Variants in DPP6 observed in about 807,000 individuals in gnomAD.
DPP6 encodes the protein A-type potassium channel modulatory protein DPP6.
In DPP6, 69 loss-of-function variants were observed where a neutral mutation model predicts 122.6. That is an observed-to-expected ratio of 0.56 (90% CI 0.46 to 0.69). The LOEUF is 0.69. Ranked by LOEUF, DPP6 falls within the 30% of genes least tolerant of loss-of-function variation. DPP6 has a pLI of 0.00. For synonymous variants in DPP6, 418 were observed against 433.1 expected (o/e 0.97, Z 0.43); for missense variants, 928 against 1,116.9 (o/e 0.83, Z 2.41).
At chr7:154,346,157 G>T (rs919394602) in intron 1 of DPP6, among the ~76,000 whole-genome samples, 8 of 152,096 alleles carry the variant, frequency 5.3e-5, no homozygotes, top group South Asian at 2.1e-4. Flanking sequence ...GAAATTATTT[G>T]CGAGTATATC....
At position 154,866,983 on chromosome 7, in the gene DPP6, C is replaced by CTT. The variant is rs11409452; in HGVS notation, c.1715-998_1715-997dup. On this transcript the variant is annotated intron_variant, in intron 17 of 25. Transcript: ENST00000377770. The stretch of plus-strand genomic sequence containing the variant: ...GGAGAAGCGCCCACCTGCAGAGCAG[C>CTT]TTTTTTTTTTTTTTTCAAGGGAGTT... Among the ~76,000 whole-genome samples, 438 of 140,460 alleles carry CTT rather than the reference C, an allele frequency of 3.1e-3. 7 individuals are homozygous for CTT. Among genetic ancestry groups the CTT allele is most frequent in the African/African-American group, 0.01 (392 of 38,272 alleles). 92.1% of individuals were successfully genotyped at this position (140,460 alleles called of 152,430 possible).
At chr7:153,802,283 G>A in the DPP6 span, among the ~76,000 whole-genome samples, 1 of 152,154 alleles carries the variant, frequency 6.6e-6, no homozygotes, top group Admixed American at 6.5e-5. Flanking sequence ...GTTAAATGAG[G>A]TGAAAAGAAA....
At chr7:153,966,446 C>T (rs1375905663) in intron 1 of DPP6, among the ~76,000 whole-genome samples, 9 of 149,030 alleles carry the variant, frequency 6.0e-5, no homozygotes, top group Admixed American at 4.1e-4. Context: ...CGTCTTCCCT[C>T]TGCTGTCTCC....
At chr7:154,223,472 C>G (rs527474999) in intron 1 of DPP6, among the ~76,000 whole-genome samples, 4 of 149,450 alleles carry the variant, frequency 2.7e-5, no homozygotes, top group Admixed American at 6.6e-5. Context: ...GGGACACACT[C>G]TCTGAAACCT....
chr7:154,483,718 G>A lies in DPP6; in HGVS notation c.457+8681G>A, dbSNP rs982797072. On this transcript the variant is annotated intron_variant, in intron 3 of 25. Coordinates refer to ENST00000377770, the MANE Select transcript of DPP6 (RefSeq NM_130797.4). The surrounding 1 kb of genome is among the most constrained non-coding windows in gnomAD (Gnocchi z 8.1). ...TTTTGTTTTGCTTTGCTTTTGAGAC[G>A]GAGTCTCGCTCTGTCGCCCAGGCTG... 1.6e-4 allele frequency among the ~76,000 whole-genome samples: 24 copies of A among 152,290 alleles called. No individual in the cohort carries two copies. Among genetic ancestry groups the A allele is most frequent in the East Asian group, 3.9e-4 (2 of 5,188 alleles).
chr7:153,774,635 A>G, the DPP6 span, among the ~76,000 whole-genome samples: 12 of 152,270 alleles, frequency 7.9e-5, no homozygotes, highest in Admixed American at 6.5e-4. Flanking sequence ...AACTTCAGGA[A>G]CAGAGGGTTT....
chr7:154,346,664 T>C (rs1277025531), intron 1 of DPP6, among the ~76,000 whole-genome samples: 1 of 152,140 alleles, frequency 6.6e-6, no homozygotes, highest in Non-Finnish European at 1.5e-5. Flanking sequence ...CTGAGTGGCA[T>C]TACAGTGGAG....
intron 1 of DPP6, among the ~76,000 whole-genome samples, chr7:154,394,981 T>G (rs1184890112): frequency 6.6e-6 from 1 of 152,216 alleles, no homozygotes; most frequent in African/African-American, 2.4e-5. Context: ...CTTTGTGTGG[T>G]GCCTTACTTC....
the DPP6 span, among the ~76,000 whole-genome samples, chr7:153,790,368 A>C: frequency 6.6e-6 from 1 of 152,166 alleles, no homozygotes; most frequent in Admixed American, 6.5e-5. Context: ...TTATAAAATA[A>C]ATTTCTGTCA....
intron 1 of DPP6, among the ~76,000 whole-genome samples, chr7:154,303,696 C>T (rs1806064945): frequency 6.6e-6 from 1 of 152,188 alleles, no homozygotes; most frequent in Admixed American, 6.5e-5. Context: ...GCAAGGGTTT[C>T]ACACGGGGTT....
intron 1 of DPP6, among the ~76,000 whole-genome samples, chr7:154,368,202 T>G (rs1201153220): frequency 6.6e-6 from 1 of 152,188 alleles, no homozygotes; most frequent in Non-Finnish European, 1.5e-5. Flanking sequence ...ACCACAAACA[T>G]GAAGTCAGCC....
At chr7:154,784,914 G>A (rs971532844) in intron 10 of DPP6, among the ~76,000 whole-genome samples, 4 of 151,980 alleles carry the variant, frequency 2.6e-5, no homozygotes, top group Non-Finnish European at 5.9e-5. Flanking sequence ...GCCCTTTCCT[G>A]CCTTCTTTTC....
At chr7:153,964,138 G>C (rs1795505811) in intron 1 of DPP6, among the ~76,000 whole-genome samples, 1 of 152,106 alleles carries the variant, frequency 6.6e-6, no homozygotes, top group Non-Finnish European at 1.5e-5. Flanking sequence ...TAGGATTGCA[G>C]ACACCCCCCA....
chr7:154,518,964 A>G (rs1472262575), intron 3 of DPP6, among the ~76,000 whole-genome samples: 6 of 152,166 alleles, frequency 3.9e-5, no homozygotes, highest in African/African-American at 1.2e-4. Flanking sequence ...TACATCAGAC[A>G]CGGGTTCTCA....
At chr7:154,451,356 C>A (rs1459361307) in intron 2 of DPP6, among the ~76,000 whole-genome samples, 1 of 88,974 alleles carries the variant, frequency 1.1e-5, no homozygotes, top group African/African-American at 5.5e-5. Flanking sequence ...AAGAGCCTGT[C>A]TCACCAAAAA....
the DPP6 span, among the ~76,000 whole-genome samples, chr7:153,798,008 A>AC: frequency 5.6e-4 from 85 of 151,984 alleles, no homozygotes; most frequent in East Asian, 2.3e-3. Context: ...TGCCCAGCTA[A>AC]TTTTTTTGTA....
At chr7:154,662,401 T>TG (rs1343883000) in intron 6 of DPP6, among the ~76,000 whole-genome samples, 35 of 141,258 alleles carry the variant, frequency 2.5e-4, no homozygotes, top group Middle Eastern at 3.8e-3. Context: ...CATATAGTCA[T>TG]GTGAATCACC....
At chr7:153,872,943 C>T in the DPP6 span, among the ~76,000 whole-genome samples, 1 of 152,188 alleles carries the variant, frequency 6.6e-6, no homozygotes, top group Non-Finnish European at 1.5e-5. Flanking sequence ...TGTCTTTAGT[C>T]CATTTTGCAC....
intron 1 of DPP6, chr7:154,057,515 G>C (rs868842620): frequency 6.9e-6 from 1 of 145,572 alleles, no homozygotes; most frequent in Non-Finnish European, 1.5e-5. Context: ...TTTACAATAC[G>C]ACAGGGGTCC....
Sources: gnomAD v4.1 joint callset for allele counts (sites outside exome capture counted in the v4.1 genomes callset) on GRCh38, gnomAD v4.1.1 for gene constraint, Gnocchi (gnomAD v3.1) non-coding constraint, MANE v1.5 for transcripts, NCBI Gene and HGNC (gene_info 2026-07-23, HGNC 2026-07-21) for gene names.